Variants in HDAC9 observed in about 807,000 individuals in gnomAD.
The protein encoded by HDAC9 is histone deacetylase 9.
A neutral mutation model predicts 139.4 loss-of-function variants in HDAC9; 41 were observed. The ratio of observed to expected loss-of-function variants is 0.29; its 90% CI spans 0.23 to 0.38. HDAC9 has a LOEUF of 0.38. Among genes scored for constraint, HDAC9 ranks in the 10% least tolerant of loss-of-function variants. HDAC9 has a pLI of 1.00. For synonymous variants in HDAC9, 517 were observed against 476.2 expected, an observed-to-expected ratio of 1.09 and a Z score of -1.12; for missense variants, 1,147 against 1,297.0, an observed-to-expected ratio of 0.88 and a Z score of 1.78.
At chr7:18,564,915 C>G (rs1821785061) in intron 2 of HDAC9, among the ~76,000 whole-genome samples, 1 of 151,700 alleles carries the variant, frequency 6.6e-6, no homozygotes, top group Non-Finnish European at 1.5e-5. Flanking sequence ...ACATCTTAGG[C>G]TCTTTCATAT....
chr7:18,967,245 G>A (rs1329447569), intron 24 of HDAC9, among the ~76,000 whole-genome samples: 1 of 152,052 alleles, frequency 6.6e-6, no homozygotes, highest in African/African-American at 2.4e-5. Context: ...ACTCCATGAA[G>A]CATTACTTTT....
intron 13 of HDAC9, among the ~76,000 whole-genome samples, chr7:18,740,562 C>T (rs1017025978): frequency 6.6e-6 from 1 of 152,186 alleles, no homozygotes; most frequent in Middle Eastern, 3.2e-3. Context: ...CTTTTTGGCC[C>T]TCTCTATTCC....
chr7:18,224,374 G>C (rs1792906962), intron 2 of HDAC9, among the ~76,000 whole-genome samples: 1 of 152,104 alleles, frequency 6.6e-6, no homozygotes, highest in African/African-American at 2.4e-5. Flanking sequence ...TCAAATTCTG[G>C]ATATCAATTT....
chr7:18,585,246 C>T (rs1178356566), intron 2 of HDAC9, 35 bp from the exon 3 acceptor site: 2 of 1,604,734 alleles, frequency 1.2e-6, no homozygotes. Context: ...TATTACCCTC[C>T]CCCACCCCAT....
intron 1 of HDAC9, among the ~76,000 whole-genome samples, chr7:18,335,795 A>G (rs1254882416): frequency 6.6e-6 from 1 of 151,580 alleles, no homozygotes; most frequent in Non-Finnish European, 1.5e-5. Flanking sequence ...ACTGGCTGTC[A>G]GCAGAACTGA....
chr7:18,883,860 A>T (rs1282610792), intron 22 of HDAC9, among the ~76,000 whole-genome samples: 1 of 152,184 alleles, frequency 6.6e-6, no homozygotes, highest in Non-Finnish European at 1.5e-5. Flanking sequence ...ATATAATATT[A>T]ACATACAAAA....
chr7:18,644,825 A>C (rs573427553), intron 9 of HDAC9, 32 bp downstream of exon 9: 6 of 1,582,216 alleles, frequency 3.8e-6, no homozygotes, highest in East Asian at 4.6e-5. Flanking sequence ...GCCTTAATCA[A>C]CCTAAGCAAT....
chr7:18,857,294 A>G (rs1326397855), intron 21 of HDAC9, among the ~76,000 whole-genome samples: 1 of 151,304 alleles, frequency 6.6e-6, no homozygotes, highest in Non-Finnish European at 1.5e-5. Context: ...GTAATAGAAG[A>G]TAAAAGAGTG....
intron 13 of HDAC9, 52 bp downstream of exon 13, chr7:18,727,809 T>C (rs1271787482): frequency 1.5e-6 from 2 of 1,335,306 alleles, no homozygotes; most frequent in East Asian, 2.7e-5. Flanking sequence ...GCCCCGTTCT[T>C]GTAGGATTAA....
intron 13 of HDAC9, 95 bp downstream of exon 13, chr7:18,727,852 A>T: frequency 1.0e-6 from 1 of 1,002,980 alleles, no homozygotes; most frequent in Non-Finnish European, 1.4e-6. Flanking sequence ...CTCCAATAGC[A>T]GAACACTCCA....
chr7:18,455,267 T>C (rs1793238373), intron 1 of HDAC9, among the ~76,000 whole-genome samples: 1 of 152,050 alleles, frequency 6.6e-6, no homozygotes. Flanking sequence ...AAGTTGATAT[T>C]TGAAATAGCT....
intron 2 of HDAC9, among the ~76,000 whole-genome samples, chr7:18,249,710 A>G (rs1215090512): frequency 6.6e-6 from 1 of 151,934 alleles, no homozygotes; most frequent in Non-Finnish European, 1.5e-5. Flanking sequence ...TTTTTCTGGG[A>G]GAGAACACCA....
intron 12 of HDAC9, among the ~76,000 whole-genome samples, chr7:18,716,122 C>T (rs1263557611): frequency 1.3e-5 from 2 of 152,156 alleles, no homozygotes; most frequent in African/African-American, 2.4e-5. Context: ...TCTTTTTCCC[C>T]TCCTTCTCTT....
At position 18,798,063 on chromosome 7, in the gene HDAC9, CATT is replaced by C. The variant is rs566108571; in HGVS notation, c.2322+4612_2322+4614del. On this transcript the variant is annotated intron_variant, in intron 17 of 25. Coordinates refer to ENST00000686413, the MANE Select transcript of HDAC9 (RefSeq NM_178425.4). ...TTTATATTTTTATTCTTCTGCAAGA[CATT>C]GTTGTTGTTTCCAGGTTTTTGCTTT... is the stretch of plus-strand genomic sequence containing the variant. Among the ~76,000 whole-genome samples the C allele has an allele frequency of 1.5e-3, 222 of 152,030 alleles. 2 individuals carry two copies. The highest frequency in any genetic ancestry group is 5.1e-3 in the African/African-American group (211 of 41,456).
intron 6 of HDAC9, among the ~76,000 whole-genome samples, chr7:18,602,281 C>T (rs1416482501): frequency 6.6e-6 from 1 of 151,988 alleles, no homozygotes; most frequent in African/African-American, 2.4e-5. Flanking sequence ...CTAACATCCA[C>T]AGCATCAATA....
At chr7:18,897,371 T>G (rs1190145008) in intron 22 of HDAC9, among the ~76,000 whole-genome samples, 1 of 152,006 alleles carries the variant, frequency 6.6e-6, no homozygotes, top group Non-Finnish European at 1.5e-5. Flanking sequence ...ATTTATGATT[T>G]GTCAAAACTC....
intron 2 of HDAC9, among the ~76,000 whole-genome samples, chr7:18,259,194 C>T (rs1367483160): frequency 6.6e-6 from 1 of 151,790 alleles, no homozygotes; most frequent in Non-Finnish European, 1.5e-5. Context: ...GGCTTGAACT[C>T]CTGGCCTCAA....
At chr7:18,969,932 ATAGT>A (rs777090116) in intron 24 of HDAC9, among the ~76,000 whole-genome samples, 13 of 152,206 alleles carry the variant, frequency 8.5e-5, no homozygotes, top group African/African-American at 2.4e-4. Context: ...TTGGAATAAA[ATAGT>A]TACTCATTTC....
At chr7:18,804,448 C>T (rs17140010) in intron 17 of HDAC9, among the ~76,000 whole-genome samples, 1,973 of 152,214 alleles carry the variant, frequency 0.013, 45 homozygotes, top group African/African-American at 0.045. Flanking sequence ...AATGAAGGGT[C>T]TATTTCTAAT....
Sources: gnomAD v4.1 joint callset for allele counts (sites outside exome capture counted in the v4.1 genomes callset) on GRCh38, gnomAD v4.1.1 for gene constraint, MANE v1.5 for transcripts, NCBI Gene and HGNC (gene_info 2026-07-23, HGNC 2026-07-21) for gene names.